Variants in SV2C observed in about 807,000 individuals in gnomAD.
SV2C encodes synaptic vesicle glycoprotein 2C, also known as solute carrier family 22 member B3.
Under a neutral mutation model 79.7 loss-of-function variants are expected in SV2C, and 49 were observed. That is an observed-to-expected ratio of 0.61 (90% CI 0.49 to 0.78). The LOEUF (loss-of-function observed/expected upper bound fraction) is 0.78. Among genes scored for constraint, SV2C ranks in the 30% least tolerant of loss-of-function variants. The pLI is 0.00. For missense variants in SV2C, 833 were observed against 912.9 expected (o/e 0.91, Z 1.13); for synonymous variants, 334 against 333.2 (o/e 1.00, Z -0.03).
At chr5:75,993,895 C>A in the SV2C span, among the ~76,000 whole-genome samples, 1 of 151,914 alleles carries the variant, frequency 6.6e-6, no homozygotes, top group Non-Finnish European at 1.5e-5. Context: ...GGGCCAATAG[C>A]CAGAAATTGA....
At chr5:75,900,721 C>T in the SV2C span, among the ~76,000 whole-genome samples, 1 of 152,202 alleles carries the variant, frequency 6.6e-6, no homozygotes, top group Non-Finnish European at 1.5e-5. Context: ...TGATTGTACA[C>T]CAATCAGATG....
the SV2C span, among the ~76,000 whole-genome samples, chr5:75,865,732 C>T: frequency 6.6e-6 from 1 of 152,172 alleles, no homozygotes; most frequent in South Asian, 2.1e-4. Flanking sequence ...AAATGGGAGT[C>T]AGTCAAAGTA....
intron 12 of SV2C, among the ~76,000 whole-genome samples, chr5:76,319,455 T>G (rs1748751756): frequency 6.6e-6 from 1 of 152,076 alleles, no homozygotes; most frequent in African/African-American, 2.4e-5. Flanking sequence ...ATTACACGCT[T>G]CAGCTGCAAA....
chr5:76,087,230 C>T lies in SV2C; in HGVS notation c.-102+3718C>T, dbSNP rs578221865. ...GATCAAATTTGAAAAATAATTCCTG[C>T]TTAACATAAAGAAGATACTCAGATC... On this transcript the variant is annotated intron_variant, in intron 1 of 12. Transcript: ENST00000502798. 2.6e-5 allele frequency among the ~76,000 whole-genome samples: 4 copies of T among 152,218 alleles called. No individual in the cohort carries two copies. The South Asian group carries it at 8.3e-4, about 32-fold the overall frequency.
At chr5:76,279,396 T>G (rs929993630) in intron 4 of SV2C, among the ~76,000 whole-genome samples, 3 of 152,148 alleles carry the variant, frequency 2.0e-5, no homozygotes, top group African/African-American at 7.2e-5. Context: ...TGACCAAGAT[T>G]TGGACTGTGC....
At chr5:75,933,378 T>A in the SV2C span, among the ~76,000 whole-genome samples, 1 of 152,222 alleles carries the variant, frequency 6.6e-6, no homozygotes, top group African/African-American at 2.4e-5. Context: ...ATGTTCTGTT[T>A]GCCAGTTTGT....
At chr5:75,869,806 C>CAG in the SV2C span, among the ~76,000 whole-genome samples, 11 of 152,158 alleles carry the variant, frequency 7.2e-5, no homozygotes, top group Admixed American at 4.6e-4. Context: ...CAGCTCAAAA[C>CAG]AGAGAGAGAG....
At chr5:76,262,063 C>T (rs1746487207) in intron 4 of SV2C, among the ~76,000 whole-genome samples, 1 of 152,174 alleles carries the variant, frequency 6.6e-6, no homozygotes. Flanking sequence ...AGCTGTGAAT[C>T]CGTCTGGTCC....
intron 4 of SV2C, among the ~76,000 whole-genome samples, chr5:76,272,480 A>T (rs1165697427): frequency 6.6e-6 from 1 of 152,202 alleles, no homozygotes. Flanking sequence ...GTTTTTACGG[A>T]CAGCTACTTT....
chr5:76,108,625 G>A (rs75631164), intron 1 of SV2C, among the ~76,000 whole-genome samples: 2,149 of 152,166 alleles, frequency 0.014, 53 homozygotes, highest in African/African-American at 0.049. Flanking sequence ...GTATTCCATC[G>A]AGGCCAAAAA....
At chr5:76,304,541 C>T (rs1307333210) in intron 12 of SV2C, among the ~76,000 whole-genome samples, 1 of 152,204 alleles carries the variant, frequency 6.6e-6, no homozygotes, top group Non-Finnish European at 1.5e-5. Context: ...TTGTGTTGCT[C>T]TAACAAAGTA....
At chr5:75,884,211 A>G in the SV2C span, among the ~76,000 whole-genome samples, 1 of 152,124 alleles carries the variant, frequency 6.6e-6, no homozygotes, top group East Asian at 1.9e-4. Flanking sequence ...GGACCATGCA[A>G]ATGGACTATT....
chr5:76,019,111 T>C, the SV2C span, among the ~76,000 whole-genome samples: 1 of 152,108 alleles, frequency 6.6e-6, no homozygotes, highest in South Asian at 2.1e-4. Context: ...TAAAAACCCC[T>C]ATCATTGGAA....
At chr5:75,998,674 G>A in the SV2C span, among the ~76,000 whole-genome samples, 1 of 151,232 alleles carries the variant, frequency 6.6e-6, no homozygotes, top group Admixed American at 6.6e-5. Flanking sequence ...GTGTATGTGT[G>A]TGGGTGTGTG....
At chr5:76,073,901 A>G in the SV2C span, among the ~76,000 whole-genome samples, 1 of 152,184 alleles carries the variant, frequency 6.6e-6, no homozygotes, top group African/African-American at 2.4e-5. Context: ...CTATTGAAAT[A>G]AAAAATAAAT....
intron 1 of SV2C, among the ~76,000 whole-genome samples, chr5:76,097,850 C>T (rs1007311380): frequency 1.3e-5 from 2 of 152,104 alleles, no homozygotes; most frequent in African/African-American, 2.4e-5. Context: ...AAGGCAGTCA[C>T]ATTATTCTCT....
At chr5:75,911,680 A>G in the SV2C span, 2 of 692,670 alleles carry the variant, frequency 2.9e-6, no homozygotes, top group Non-Finnish European at 5.5e-6. Context: ...CACCTTAATG[A>G]CATCTCAGAT....
chr5:76,346,078 G>C (rs1237378813), intron 12 of SV2C, among the ~76,000 whole-genome samples: 1 of 152,134 alleles, frequency 6.6e-6, no homozygotes, highest in Admixed American at 6.5e-5. Context: ...GATTTCCTTG[G>C]TGTAATTACT....
chr5:76,285,982 C>T (rs1370127241), intron 6 of SV2C, 112 bp downstream of exon 6: 1 of 846,368 alleles, frequency 1.2e-6, no homozygotes, highest in Non-Finnish European at 1.8e-6. Flanking sequence ...TTTGACACAG[C>T]TACTCAGCTC....
Sources: gnomAD v4.1 joint callset for allele counts (sites outside exome capture counted in the v4.1 genomes callset) on GRCh38, gnomAD v4.1.1 for gene constraint, MANE v1.5 for transcripts, NCBI Gene and HGNC (gene_info 2026-07-23, HGNC 2026-07-21) for gene names.